DTL: variants seen among roughly 807,000 people sequenced by gnomAD.
DTL encodes the protein denticleless E3 ubiquitin protein ligase adapter, also known as denticleless protein homolog.
Under a neutral mutation model 87.0 loss-of-function variants are expected in DTL, and 46 were observed. The ratio of observed to expected loss-of-function variants is 0.53; its 90% confidence interval spans 0.42 to 0.68. The LOEUF is 0.68. Ranked by LOEUF, DTL falls within the 30% of genes least tolerant of loss-of-function variation. The pLI is 0.00. For missense variants in DTL, 737 were observed against 869.4 expected (o/e 0.85, Z 1.91); for synonymous variants, 308 against 311.2 (o/e 0.99, Z 0.11).
intron 14 of DTL, 68 bp downstream of exon 14, chr1:212,101,152 G>T: frequency 2.5e-5 from 24 of 964,346 alleles, no homozygotes; most frequent in Non-Finnish European, 3.0e-5. Flanking sequence ...GATGTCTCAA[G>T]TCAGGATGCT....
intron 6 of DTL, among the ~76,000 whole-genome samples, chr1:212,064,464 A>G (rs2102550142): frequency 6.6e-6 from 1 of 152,352 alleles, no homozygotes; most frequent in East Asian, 1.9e-4. Flanking sequence ...ACGTGCGTCC[A>G]CCATTGTAGC....
At chr1:212,054,682 C>G (rs1224433080) in intron 5 of DTL, among the ~76,000 whole-genome samples, 2 of 151,192 alleles carry the variant, frequency 1.3e-5, no homozygotes, top group Non-Finnish European at 2.9e-5. Context: ...GTAATCCCAG[C>G]TACTCGGGAG....
chr1:212,045,301 T>C (rs981379661), intron 3 of DTL, among the ~76,000 whole-genome samples: 3 of 152,208 alleles, frequency 2.0e-5, no homozygotes, highest in Admixed American at 6.5e-5. Flanking sequence ...AGATTAGATG[T>C]GAATGGTGGA....
intron 13 of DTL, among the ~76,000 whole-genome samples, chr1:212,087,816 G>T (rs556595252): frequency 2.0e-5 from 3 of 152,010 alleles, no homozygotes; most frequent in African/African-American, 7.2e-5. Context: ...TAATTGCCAC[G>T]CCAACCTTTC....
In DTL at chr1:212,103,258, A is replaced by G. The variant is rs1375319965; in HGVS notation, c.*318A>G. ...CTCTATAATAATGACATCCCAGTTC[A>G]TGGAGGCAAAAAACAAGTTTCTTGT... On this transcript the variant is annotated 3_prime_UTR_variant, in exon 15 of 15. Coordinates refer to ENST00000366991, the MANE Select transcript of DTL (RefSeq NM_016448.4). 1.2e-5 allele frequency: 2 copies of G among 161,734 alleles called. No individual in the cohort carries two copies. The highest frequency in any genetic ancestry group is 2.7e-5 in the Non-Finnish European group (2 of 74,504). The allele number at this position is 161,734 out of a possible 1,614,324, so 10.0% of individuals were successfully genotyped here.
intron 13 of DTL, among the ~76,000 whole-genome samples, chr1:212,089,682 CA>C (rs1655228483): frequency 6.6e-6 from 1 of 152,300 alleles, no homozygotes; most frequent in African/African-American, 2.4e-5. Context: ...TCAAAGCTAA[CA>C]AAATTTCTTT....
At chr1:212,056,977 C>G (rs1018548167) in intron 5 of DTL, among the ~76,000 whole-genome samples, 1 of 152,202 alleles carries the variant, frequency 6.6e-6, no homozygotes, top group African/African-American at 2.4e-5. Flanking sequence ...ACATGAATGA[C>G]TAAAGCTTTC....
intron 1 of DTL, among the ~76,000 whole-genome samples, chr1:212,036,741 C>T (rs796589798): frequency 6.6e-6 from 1 of 152,168 alleles, no homozygotes; most frequent in South Asian, 2.1e-4. Flanking sequence ...TCAACTTAAA[C>T]TTTTTGGTAA....
chr1:212,096,501 G>A (rs530258077), intron 13 of DTL, among the ~76,000 whole-genome samples: 6 of 152,248 alleles, frequency 3.9e-5, no homozygotes, highest in African/African-American at 1.4e-4. Context: ...TTTTGATGTA[G>A]GCACTTAATG....
At chr1:212,048,090 C>T (rs1236871544) in intron 5 of DTL, among the ~76,000 whole-genome samples, 1 of 152,176 alleles carries the variant, frequency 6.6e-6, no homozygotes, top group Non-Finnish European at 1.5e-5. Flanking sequence ...TTTAACTCTG[C>T]TTGTAAAATC....
Position 212,102,867 on chromosome 1 carries a change from G to C in DTL, c.2120G>C (p.Arg707Thr). ...SPVTITPSSM[R>T]KICTYFHRKS... Reference sequence around the variant, plus strand: ...GTCACCATCACGCCCAGCTCCATGAGGAAAATCTGCACATACTTCCATAGA... The same window carrying C: ...GTCACCATCACGCCCAGCTCCATGACGAAAATCTGCACATACTTCCATAGA... Residue 707 changes from arginine to threonine, a missense_variant, in exon 15 of 15, where the codon AGG becomes ACG. Coordinates refer to ENST00000366991, the MANE Select transcript of DTL (RefSeq NM_016448.4). The C allele has an allele frequency of 6.2e-7, 1 of 1,612,368 alleles. No individual in the cohort carries two copies. Among genetic ancestry groups the C allele is most frequent in the Non-Finnish European group, 8.5e-7 (1 of 1,178,914 alleles).
At chr1:212,036,058 T>G in intron 1 of DTL, 116 bp downstream of exon 1, 1 of 973,224 alleles carries the variant, frequency 1.0e-6, no homozygotes, top group Non-Finnish European at 1.6e-6. Context: ...AGTTCTCCCA[T>G]GGCAAGGGTA....
chr1:212,101,246 G>A (rs1334999701), intron 14 of DTL, among the ~76,000 whole-genome samples, 162 bp downstream of exon 14: 3 of 151,876 alleles, frequency 2.0e-5, no homozygotes, highest in Non-Finnish European at 4.4e-5. Context: ...TTTTGCATGG[G>A]CCATATTTTT....
chr1:212,075,872 C>T (rs1654814282), intron 11 of DTL, among the ~76,000 whole-genome samples: 3 of 152,158 alleles, frequency 2.0e-5, no homozygotes, highest in Admixed American at 6.5e-5. Context: ...AACAGTCACT[C>T]TCTAATCCCC....
At position 212,103,227 on chromosome 1, in the gene DTL, C is replaced by G. The variant is rs113580333; in HGVS notation, c.*287C>G. ...AATAGTCTTCACTTTTTAAATTATT[C>G]ATCTTCTCTATAATAATGACATCCC... On this transcript the variant is annotated 3_prime_UTR_variant, in exon 15 of 15. Transcript: ENST00000366991. 2.3e-3 allele frequency: 419 copies of G among 182,186 alleles called. No individual in the cohort carries two copies. The highest frequency in any genetic ancestry group is 9.6e-3 in the African/African-American group (408 of 42,534). The allele number at this position is 182,186 out of a possible 1,614,324, so 11.3% of individuals were successfully genotyped here. A position where few individuals can be genotyped will look rare whatever the true frequency, so the allele number is the denominator to read the frequency against.
intron 6 of DTL, 114 bp downstream of exon 6, chr1:212,063,063 T>A: frequency 1.3e-6 from 1 of 770,240 alleles, no homozygotes; most frequent in Non-Finnish European, 2.2e-6. Context: ...ACTCATAATT[T>A]CCCATTTCTG....
chr1:212,069,309 A>G (rs1449681186), intron 10 of DTL, among the ~76,000 whole-genome samples: 1 of 151,980 alleles, frequency 6.6e-6, no homozygotes, highest in Non-Finnish European at 1.5e-5. Flanking sequence ...CACCAGCCTC[A>G]GGCATGCTTT....
chr1:212,091,417 A>T (rs1655279573), intron 13 of DTL, among the ~76,000 whole-genome samples: 1 of 152,232 alleles, frequency 6.6e-6, no homozygotes, highest in African/African-American at 2.4e-5. Flanking sequence ...TGAAAATAGA[A>T]CTACCATATG....
chr1:212,098,425 A>ACGGTTTCCTGGATAGGTTTT (rs1655512249), intron 13 of DTL, among the ~76,000 whole-genome samples: 1 of 152,114 alleles, frequency 6.6e-6, no homozygotes, highest in Non-Finnish European at 1.5e-5. Flanking sequence ...AGCTTGCCTT[A>ACGGTTTCCTGGATAGGTTTT]CGGTTTCCTG....
Sources: allele counts gnomAD v4.1 joint callset (sites outside exome capture counted in the v4.1 genomes callset), GRCh38; gene constraint gnomAD v4.1.1; transcripts MANE v1.5; gene names NCBI Gene and HGNC (gene_info 2026-07-23, HGNC 2026-07-21).